Variants in ASB1 observed in about 807,000 individuals in gnomAD.
ASB1 encodes ankyrin repeat and SOCS box containing 1.
In ASB1, 18 loss-of-function variants were observed where a neutral mutation model predicts 27.7. The observed-to-expected ratio is 0.65, with a 90% CI of 0.45 to 0.96. The LOEUF is 0.96. ASB1 is among the 50% of genes least tolerant of loss of function. The pLI is 0.00. For missense variants in ASB1, 397 were observed against 451.7 expected, an observed-to-expected ratio of 0.88 and a Z score of 1.10; for synonymous variants, 189 against 187.6, an observed-to-expected ratio of 1.01 and a Z score of -0.06.
chr2:238,428,316 G>T (rs886878142), intron 1 of ASB1, among the ~76,000 whole-genome samples: 4 of 152,200 alleles, frequency 2.6e-5, no homozygotes, highest in African/African-American at 9.7e-5. Context: ...TTGAGACGGA[G>T]TTTCGCTCTT....
intron 1 of ASB1, chr2:238,433,213 T>C (rs200401629): frequency 1.3e-4 from 25 of 186,910 alleles, no homozygotes; most frequent in Non-Finnish European, 2.1e-4. Flanking sequence ...CCATCAACTT[T>C]TAAAAAATTA....
chr2:238,444,633 C>T lies in ASB1; in HGVS notation c.786C>T (p.Asn262=), dbSNP rs766827573. 6 of 1,614,006 alleles carry T rather than the reference C, an allele frequency of 3.7e-6. No individual in the cohort carries two copies. In the African/African-American group the frequency reaches 4.0e-5, roughly 11 times the overall value. ...GCCTGCTGGTAGAATTTGGAGCCAA[C>T]CTGAATCTAGTGAAGTGGGAATCGC... ...FVSLLVEFGA[N]LNLVKWESLG... The change falls in exon 4 of 5, where the codon AAC becomes AAT. Residue 262 remains asparagine, a synonymous_variant. Coordinates refer to ENST00000264607, the MANE Select transcript of ASB1 (RefSeq NM_001040445.3).
At position 238,449,238 on chromosome 2, in the gene ASB1, A is replaced by G. The variant is rs1264845547; in HGVS notation, c.*2727A>G. On this transcript the variant is annotated 3_prime_UTR_variant, in exon 5 of 5. Coordinates refer to ENST00000264607, the MANE Select transcript of ASB1 (RefSeq NM_001040445.3). Reference sequence around the variant, plus strand: ...TCTGTTGGCAAGGACAGGTTACAGAATAGGAAGAGTAGCACTTTCCGCCTA... The same window carrying G: ...TCTGTTGGCAAGGACAGGTTACAGAGTAGGAAGAGTAGCACTTTCCGCCTA... The G allele has an allele frequency of 1.3e-5, 2 of 152,234 alleles. No individual in the cohort carries two copies. Among genetic ancestry groups the G allele is most frequent in the African/African-American group, 2.4e-5 (1 of 41,456 alleles). The allele number at this position is 152,234 out of a possible 1,614,324, so 9.4% of individuals were successfully genotyped here.
intron 3 of ASB1, among the ~76,000 whole-genome samples, chr2:238,442,537 C>A (rs184242479): frequency 6.6e-6 from 1 of 152,144 alleles, no homozygotes; most frequent in Non-Finnish European, 1.5e-5. Flanking sequence ...CTTTTACTTA[C>A]GTTGTTTTGT....
chr2:238,433,809 C>G, intron 2 of ASB1, 114 bp downstream of exon 2: 1 of 1,284,684 alleles, frequency 7.8e-7, no homozygotes, highest in Non-Finnish European at 1.1e-6. Context: ...GGAATGTGTT[C>G]CAGTTTTAGA....
rs374388622 is a variant in ASB1 at position 238,445,095 on chromosome 2, C to G, written c.880+368C>G. Among the ~76,000 whole-genome samples the G allele has an allele frequency of 4.5e-4, 68 of 151,536 alleles. 1 individual carries two copies. The Middle Eastern group carries it at 0.014, about 30-fold the overall frequency. Reference sequence around the variant, plus strand: ...CTCCTGGGCTCATGCAATCCTCCCACCTCAGCCTCCCAAGTAGCTGGGACT... The same window carrying G: ...CTCCTGGGCTCATGCAATCCTCCCAGCTCAGCCTCCCAAGTAGCTGGGACT... On this transcript the variant is annotated intron_variant, in intron 4 of 4. Transcript: ENST00000264607.
chr2:238,431,893 AAAT>A, intron 1 of ASB1, among the ~76,000 whole-genome samples: 1 of 152,236 alleles, frequency 6.6e-6, no homozygotes. Context: ...ATAACAGATA[AAAT>A]AATAATGAAA....
Position 238,435,932 on chromosome 2 carries a change from A to G in ASB1, c.413A>G (p.Asn138Ser), listed in dbSNP as rs771103043. 1.6e-5 allele frequency: 26 copies of G among 1,614,078 alleles called. No individual in the cohort carries two copies. Among genetic ancestry groups the G allele is most frequent in the East Asian group, 4.5e-5 (2 of 44,892 alleles). Residue 138 changes from asparagine to serine, a missense_variant, in exon 3 of 5, where the codon AAC (asparagine) becomes AGC (serine). Coordinates refer to ENST00000264607, the MANE Select transcript of ASB1 (RefSeq NM_001040445.3). ...CTTCTCGAAGCTGGCGCGGACCCCA[A>G]CGGAAGCCGGCACCATCGCAGCACC... ...QILLEAGADP[N>S]GSRHHRSTPV... is the part of the protein sequence containing the mutation.
In ASB1 at chr2:238,430,956, C is replaced by T. The variant is rs541491672; in HGVS notation, c.50-2598C>T. 2.6e-4 allele frequency among the ~76,000 whole-genome samples: 39 copies of T among 152,294 alleles called. No homozygotes were observed. In the East Asian group the frequency reaches 4.0e-3, roughly 16 times the overall value. On this transcript the variant is annotated intron_variant, in intron 1 of 4. Coordinates refer to ENST00000264607, the MANE Select transcript of ASB1 (RefSeq NM_001040445.3). ...GGGCTTTGTTGATCCATTTATAGTGCGCAGGCAGGAGTTTTGGAATGGTGA... is the reference window on the plus strand; with the variant it reads ...GGGCTTTGTTGATCCATTTATAGTGTGCAGGCAGGAGTTTTGGAATGGTGA...
At chr2:238,429,146 G>C (rs1701819262) in intron 1 of ASB1, among the ~76,000 whole-genome samples, 1 of 152,278 alleles carries the variant, frequency 6.6e-6, no homozygotes, top group East Asian at 1.9e-4. Flanking sequence ...CTGTGGTTGA[G>C]TCTCATGTAC....
chr2:238,442,121 A>ATT (rs55633528), intron 3 of ASB1, among the ~76,000 whole-genome samples: 10 of 142,002 alleles, frequency 7.0e-5, no homozygotes, highest in East Asian at 2.0e-4. Flanking sequence ...ATCTCTCTAA[A>ATT]TTTTTTTTTT....
Position 238,427,050 on chromosome 2 carries a change from G to T in ASB1, c.-21G>T. 7.9e-7 allele frequency: 1 copy of T among 1,259,504 alleles called. No individual in the cohort carries two copies. The allele number at this position is 1,259,504 out of a possible 1,614,324, so 78.0% of individuals were successfully genotyped here. ...GAGGGGCGTGCGCGGGTCAGGGGCG[G>T]CCGCGGAGGCGGAAGCATCCATGGC... On this transcript the variant is annotated 5_prime_UTR_variant, in exon 1 of 5. Coordinates refer to ENST00000264607, the MANE Select transcript of ASB1 (RefSeq NM_001040445.3).
At chr2:238,445,425 A>G (rs980512537) in intron 4 of ASB1, among the ~76,000 whole-genome samples, 2 of 152,160 alleles carry the variant, frequency 1.3e-5, no homozygotes, top group Non-Finnish European at 2.9e-5. Context: ...CCTTTCTTCA[A>G]TTCCACTCAA....
intron 1 of ASB1, among the ~76,000 whole-genome samples, chr2:238,432,207 A>G (rs1300942126): frequency 6.6e-6 from 1 of 152,204 alleles, no homozygotes; most frequent in Non-Finnish European, 1.5e-5. Context: ...TACACTTACT[A>G]AAAACCAAAA....
rs1461352515 is a variant in ASB1, at chr2:238,450,618, G to A, written c.*4107G>A. 6.6e-6 allele frequency: 1 copy of A among 152,274 alleles called. No individual in the cohort carries two copies. Among genetic ancestry groups the A allele is most frequent in the African/African-American group, 2.4e-5 (1 of 41,466 alleles). The allele number at this position is 152,274 out of a possible 1,614,324, so 9.4% of individuals were successfully genotyped here. A position where few individuals can be genotyped will look rare whatever the true frequency, so the allele number is the denominator to read the frequency against. On this transcript the variant is annotated 3_prime_UTR_variant, in exon 5 of 5. Transcript: ENST00000264607. ...TGGCAGGCAGCACTGCAGCATTTCT[G>A]CTGCTCATGGCCAAGAACGAGTCTG...
intron 3 of ASB1, among the ~76,000 whole-genome samples, chr2:238,438,546 C>T (rs1702018119): frequency 6.6e-6 from 1 of 152,212 alleles, no homozygotes; most frequent in Admixed American, 6.5e-5. Flanking sequence ...CTTACTCCCT[C>T]ACTGGAGCAC....
intron 3 of ASB1, among the ~76,000 whole-genome samples, chr2:238,438,356 T>C (rs979463445): frequency 6.6e-6 from 1 of 151,996 alleles, no homozygotes; most frequent in Non-Finnish European, 1.5e-5. Context: ...CCCACCACCA[T>C]GCCCGGCTAT....
chr2:238,431,078 C>T (rs1177190746), intron 1 of ASB1, among the ~76,000 whole-genome samples: 2 of 152,242 alleles, frequency 1.3e-5, no homozygotes, highest in Non-Finnish European at 2.9e-5. Context: ...TTGCCTTCTC[C>T]TCTCTAGCTA....
chr2:238,436,663 T>G (rs148679189), intron 3 of ASB1, among the ~76,000 whole-genome samples: 203 of 152,192 alleles, frequency 1.3e-3, no homozygotes, highest in African/African-American at 4.6e-3. Flanking sequence ...AATGCTGGCT[T>G]CTTCTTATTT....
Sources: gnomAD v4.1 joint callset for allele counts (sites outside exome capture counted in the v4.1 genomes callset) on GRCh38, gnomAD v4.1.1 for gene constraint, MANE v1.5 for transcripts, NCBI Gene and HGNC (gene_info 2026-07-23, HGNC 2026-07-21) for gene names.